The following GNB4 variants were observed in gnomAD, a reference collection of about 807,000 sequenced individuals.
GNB4 encodes the protein G protein subunit beta 4.
Under a neutral mutation model 45.2 loss-of-function variants are expected in GNB4, and 28 were observed. That is an observed-to-expected ratio of 0.62 (90% confidence interval 0.46 to 0.85). GNB4 has a LOEUF of 0.85. GNB4 is among the 40% of genes least tolerant of loss of function. The probability of loss-of-function intolerance (pLI) is 0.00; values close to 1 mark genes in which losing one functional copy is unlikely to be tolerated. For synonymous variants in GNB4, 132 were observed against 143.7 expected, an observed-to-expected ratio of 0.92 and a Z score of 0.58; for missense variants, 321 against 425.4, an observed-to-expected ratio of 0.75 and a Z score of 2.16.
At chr3:179,485,811 G>T in the GNB4 span, among the ~76,000 whole-genome samples, 1 of 152,014 alleles carries the variant, frequency 6.6e-6, no homozygotes, top group South Asian at 2.1e-4. Context: ...ATGGTGGCAG[G>T]CCCCTGTAGT....
At chr3:179,496,796 TTATAAA>T in the GNB4 span, among the ~76,000 whole-genome samples, 12 of 152,136 alleles carry the variant, frequency 7.9e-5, no homozygotes, top group African/African-American at 2.9e-4. Flanking sequence ...GATATAGCAA[TTATAAA>T]TATATATGCA....
chr3:179,415,837 C>T (rs2108592164), intron 5 of GNB4, among the ~76,000 whole-genome samples: 1 of 152,152 alleles, frequency 6.6e-6, no homozygotes, highest in Admixed American at 6.5e-5. Flanking sequence ...ATTGTCTTAG[C>T]TAGCTTTAAA....
the GNB4 span, among the ~76,000 whole-genome samples, chr3:179,468,035 A>ATATATATATAT: frequency 5.6e-5 from 5 of 89,864 alleles, no homozygotes; most frequent in Middle Eastern, 6.4e-3. Context: ...TGTTGATAAA[A>ATATATATATAT]ATATATATAT....
chr3:179,403,086 A>G (rs1195705977), intron 9 of GNB4, among the ~76,000 whole-genome samples: 2 of 152,294 alleles, frequency 1.3e-5, no homozygotes, highest in East Asian at 3.9e-4. Context: ...TTCATGGAGG[A>G]AAGTGGAAGA....
At chr3:179,479,483 A>G in the GNB4 span, among the ~76,000 whole-genome samples, 2 of 152,202 alleles carry the variant, frequency 1.3e-5, no homozygotes, top group African/African-American at 4.8e-5. Flanking sequence ...GAGAAAATCA[A>G]ATAATATTAC....
the GNB4 span, among the ~76,000 whole-genome samples, chr3:179,457,107 C>A: frequency 1.3e-5 from 2 of 152,022 alleles, no homozygotes; most frequent in Admixed American, 1.3e-4. Flanking sequence ...AACAAACAAA[C>A]AAAAAATTAA....
At chr3:179,523,752 T>C in the GNB4 span, among the ~76,000 whole-genome samples, 2 of 150,252 alleles carry the variant, frequency 1.3e-5, no homozygotes, top group African/African-American at 2.5e-5. Flanking sequence ...ACGGAGGGAG[T>C]AGAGGGGTCC....
intron 1 of GNB4, among the ~76,000 whole-genome samples, chr3:179,439,143 T>A (rs990829580): frequency 2.0e-5 from 3 of 152,168 alleles, no homozygotes; most frequent in African/African-American, 7.2e-5. Flanking sequence ...TTTTAGCAAG[T>A]CTTCACGGTG....
rs1212623814 is a variant in GNB4 at position 179,397,475 on chromosome 3, A to G, written c.*3738T>C. 5 of 152,378 alleles carry G rather than the reference A, an allele frequency of 3.3e-5. No individual in the cohort carries two copies. In the East Asian group the frequency reaches 9.6e-4, roughly 29 times the overall value. The allele number at this position is 152,378 out of a possible 1,614,324, so 9.4% of individuals were successfully genotyped here. On this transcript the variant is annotated 3_prime_UTR_variant, in exon 10 of 10. Coordinates refer to ENST00000232564, the MANE Select transcript of GNB4 (RefSeq NM_021629.4). ...AGCACCTACATCCATTATTTCCAGG[A>G]GACTAGTTTACTACTATCATGCAAT... is the stretch of plus-strand genomic sequence containing the variant.
chr3:179,425,359 G>T (rs1448522974), intron 2 of GNB4, among the ~76,000 whole-genome samples: 1 of 152,298 alleles, frequency 6.6e-6, no homozygotes, highest in Non-Finnish European at 1.5e-5. Context: ...TGAAGTTCTA[G>T]TGTCTGTTAA....
chr3:179,498,583 C>A, the GNB4 span, among the ~76,000 whole-genome samples: 9 of 152,078 alleles, frequency 5.9e-5, no homozygotes, highest in African/African-American at 2.2e-4. Flanking sequence ...TACAGGCATG[C>A]GCCACCATGC....
At chr3:179,519,989 C>G in the GNB4 span, among the ~76,000 whole-genome samples, 1 of 152,194 alleles carries the variant, frequency 6.6e-6, no homozygotes, top group African/African-American at 2.4e-5. Flanking sequence ...CAGGTTAGTT[C>G]AGGATCTGCG....
intron 1 of GNB4, among the ~76,000 whole-genome samples, chr3:179,437,508 T>G (rs1412838185): frequency 6.6e-6 from 1 of 151,726 alleles, no homozygotes; most frequent in Non-Finnish European, 1.5e-5. Context: ...TAGGTTGCAG[T>G]GAGCGGAAGA....
the GNB4 span, among the ~76,000 whole-genome samples, chr3:179,495,668 GAAGGA>G: frequency 3.3e-5 from 5 of 150,552 alleles, no homozygotes; most frequent in Admixed American, 1.3e-4. Flanking sequence ...GGAAGGAAGG[GAAGGA>G]AAGAAGGAAA....
the GNB4 span, among the ~76,000 whole-genome samples, chr3:179,515,172 C>G: frequency 6.6e-6 from 1 of 152,234 alleles, no homozygotes; most frequent in South Asian, 2.1e-4. Flanking sequence ...AAAGTTAACA[C>G]AGCTACTAGC....
chr3:179,411,840 CTT>C (rs1265559499), intron 8 of GNB4, among the ~76,000 whole-genome samples: 3 of 152,124 alleles, frequency 2.0e-5, no homozygotes, highest in Non-Finnish European at 4.4e-5. Context: ...CCAAAAATGT[CTT>C]GTTATAAAAT....
chr3:179,495,859 A>G, the GNB4 span, among the ~76,000 whole-genome samples: 2 of 152,200 alleles, frequency 1.3e-5, no homozygotes, highest in Admixed American at 1.3e-4. Flanking sequence ...ATCTAGCCAA[A>G]CTGTTCTTCA....
the GNB4 span, among the ~76,000 whole-genome samples, chr3:179,522,661 G>A: frequency 3.9e-5 from 6 of 152,254 alleles, no homozygotes; most frequent in African/African-American, 9.6e-5. Flanking sequence ...GGTGAGTGGC[G>A]ATTAGGCCTG....
At chr3:179,464,667 A>G in the GNB4 span, 2 of 1,090,822 alleles carry the variant, frequency 1.8e-6, no homozygotes, top group Non-Finnish European at 2.8e-6. Context: ...ACCAGCTTCA[A>G]TTTCAGAGGA....
Sources: gnomAD v4.1 joint callset for allele counts (sites outside exome capture counted in the v4.1 genomes callset) on GRCh38, gnomAD v4.1.1 for gene constraint, MANE v1.5 for transcripts, NCBI Gene and HGNC (gene_info 2026-07-23, HGNC 2026-07-21) for gene names.